The following MYOM1 variants were observed in gnomAD, a reference collection of about 807,000 sequenced individuals.
MYOM1 encodes the protein myomesin 1.
MYOM1 carries 164 observed loss-of-function variants against 205.3 expected under a neutral mutation model. That is an observed-to-expected ratio of 0.80 (90% confidence interval 0.70 to 0.91). The LOEUF (loss-of-function observed/expected upper bound fraction) is 0.91, where lower values mean the gene tolerates loss of function less well. MYOM1 is among the 40% of genes least tolerant of loss of function. The pLI is 0.00. For missense variants in MYOM1, 2,011 were observed against 2,127.3 expected (o/e 0.95, Z 1.08); for synonymous variants, 772 against 789.4 (o/e 0.98, Z 0.37).
At chr18:3,180,052 T>A (rs2080706410) in intron 5 of MYOM1, among the ~76,000 whole-genome samples, 2 of 152,142 alleles carry the variant, frequency 1.3e-5, no homozygotes, top group Admixed American at 1.3e-4. Context: ...ATCCCAGAAC[T>A]TTGGGAGGCT....
In MYOM1 at chr18:3,188,751, T is replaced by A; in HGVS notation, c.768A>T (p.Lys256Asn). The A allele has an allele frequency of 6.4e-7, 1 of 1,571,692 alleles. No individual in the cohort carries two copies. The highest frequency in any genetic ancestry group is 8.6e-7 in the Non-Finnish European group (1 of 1,158,180). ...REKAERLSLRKTLEETETYHA... is the reference protein window; with the variant it reads ...REKAERLSLRNTLEETETYHA... ...ACTTTAAACTGTCTTTTCTTACTGT[T>A]TTCCTCAGGGACAGGCGTTCTGCCT... The change falls in exon 4 of 38, where the codon AAA (lysine) becomes AAT (asparagine). Residue 256 changes from lysine (K) to asparagine (N), a missense_variant. Physicochemically the swap from Lys to Asn is moderately conservative, Grantham distance 94. Coordinates refer to ENST00000356443, the MANE Select transcript of MYOM1 (RefSeq NM_003803.4).
Position 3,071,884 on chromosome 18 carries a change from C to A in MYOM1, c.4714G>T (p.Ala1572Ser), listed in dbSNP as rs748689826. The A allele has an allele frequency of 6.2e-7, 1 of 1,604,326 alleles. No individual in the cohort carries two copies. The highest frequency in any genetic ancestry group is 8.5e-7 in the Non-Finnish European group (1 of 1,175,380). Residue 1572 changes from alanine (A) to serine (S), a missense_variant, in exon 37 of 38, where the codon GCC becomes TCC. By Grantham distance (99) the Ala-to-Ser change is moderately conservative. Transcript: ENST00000356443. ...KQAAIAEKNR[A>S]RVLGGLPDVV... is the part of the protein sequence containing the mutation. ...TCTGGGAGACCTCCCAACACCCGGG[C>A]ACGATCTGCAAGCATAGGCATTTTG...
chr18:3,214,879 C>A, intron 2 of MYOM1, 55 bp downstream of exon 2: 1 of 1,509,836 alleles, frequency 6.6e-7, no homozygotes, highest in South Asian at 1.3e-5. Flanking sequence ...GAGGGTTACT[C>A]AGAGCACACG....
intron 4 of MYOM1, among the ~76,000 whole-genome samples, chr18:3,188,188 T>C (rs1450378320): frequency 6.6e-6 from 1 of 152,206 alleles, no homozygotes; most frequent in Non-Finnish European, 1.5e-5. Context: ...CTAAAATCTT[T>C]AATTTTCTTA....
At chr18:3,215,795 C>T (rs1162069128) in intron 1 of MYOM1, among the ~76,000 whole-genome samples, 3 of 151,746 alleles carry the variant, frequency 2.0e-5, no homozygotes, top group Admixed American at 6.6e-5. Flanking sequence ...GTTTTTCTAC[C>T]CTGGCTATTG....
intron 9 of MYOM1, among the ~76,000 whole-genome samples, chr18:3,164,756 ATTAC>A (rs1418013827): frequency 6.6e-6 from 1 of 152,230 alleles, no homozygotes; most frequent in Non-Finnish European, 1.5e-5. Flanking sequence ...AAAATATTTT[ATTAC>A]TTATAGTAAT....
At chr18:3,075,680 G>A (rs968282857) in intron 35 of MYOM1, 45 bp downstream of exon 35, 37 of 1,587,696 alleles carry the variant, frequency 2.3e-5, no homozygotes, top group Non-Finnish European at 3.2e-5. Context: ...AGCTTCCCGG[G>A]AAATTAGTGC....
chr18:3,084,131 A>G, intron 31 of MYOM1, 104 bp from the exon 32 acceptor site: 5 of 1,213,486 alleles, frequency 4.1e-6, no homozygotes, highest in Non-Finnish European at 4.7e-6. Flanking sequence ...GGTTGAAAGG[A>G]AATGGAAACA....
chr18:3,164,248 T>C (rs1170969788), intron 10 of MYOM1, 30 bp downstream of exon 10: 1 of 1,603,234 alleles, frequency 6.2e-7, no homozygotes, highest in Non-Finnish European at 8.5e-7. Flanking sequence ...CTAAATATTG[T>C]TAGGTGTTTT....
At chr18:3,164,038 G>A (rs1598736127) in intron 10 of MYOM1, among the ~76,000 whole-genome samples, 1 of 142,578 alleles carries the variant, frequency 7.0e-6, no homozygotes, top group East Asian at 2.1e-4. Flanking sequence ...ATTTTTTTTT[G>A]TAGAAATGGG....
chr18:3,231,103 G>T, the MYOM1 span, among the ~76,000 whole-genome samples: 1 of 152,204 alleles, frequency 6.6e-6, no homozygotes, highest in African/African-American at 2.4e-5. Context: ...TTTAGAACTA[G>T]GTGACCTTGC....
the MYOM1 span, among the ~76,000 whole-genome samples, chr18:3,229,753 T>C: frequency 6.6e-6 from 1 of 152,112 alleles, no homozygotes; most frequent in Admixed American, 6.5e-5. Context: ...GCGGATCACC[T>C]GAGGTCGAGA....
At chr18:3,132,317 AT>A (rs2079890394) in intron 16 of MYOM1, among the ~76,000 whole-genome samples, 1 of 151,376 alleles carries the variant, frequency 6.6e-6, no homozygotes, top group African/African-American at 2.4e-5. Flanking sequence ...CGCCTGGCTA[AT>A]TTTTTTGTAT....
At chr18:3,162,449 C>T (rs2080405179) in intron 10 of MYOM1, among the ~76,000 whole-genome samples, 1 of 152,166 alleles carries the variant, frequency 6.6e-6, no homozygotes, top group Non-Finnish European at 1.5e-5. Flanking sequence ...CAATAAAGGG[C>T]TTGGTCTAGG....
chr18:3,130,915 C>T (rs2079865952), intron 17 of MYOM1, among the ~76,000 whole-genome samples: 1 of 152,208 alleles, frequency 6.6e-6, no homozygotes. Flanking sequence ...TAAGCAATTA[C>T]ATGTGCCTTG....
rs562700633 is a variant in MYOM1, at chr18:3,176,080, A to G, written c.984T>C (p.Ile328=). 4.4e-6 allele frequency: 7 copies of G among 1,607,194 alleles called. No homozygotes were observed. In the South Asian group the frequency reaches 6.6e-5, roughly 15 times the overall value. ...NVHANPGKYI[I]ESRYGMHTLE... is the part of the protein sequence containing the mutation. ...GAGTGTGCATCCCATATCGACTCTC[A>G]ATAATATACTTTCCAGGGTTTGCAT... The change falls in exon 6 of 38, where the codon ATT becomes ATC. Residue 328 remains isoleucine, a synonymous_variant. Transcript: ENST00000356443.
chr18:3,195,118 A>G (rs2080976577), intron 2 of MYOM1, among the ~76,000 whole-genome samples: 1 of 152,196 alleles, frequency 6.6e-6, no homozygotes, highest in African/African-American at 2.4e-5. Context: ...AGCAGAAGAG[A>G]GGCCAAGCAC....
intron 22 of MYOM1, among the ~76,000 whole-genome samples, chr18:3,104,745 CTTTTTTTTTT>C (rs745369627): frequency 2.4e-4 from 19 of 80,598 alleles, no homozygotes; most frequent in Admixed American, 8.0e-4. Flanking sequence ...GAATTGGAAT[CTTTTTTTTTT>C]TTTTTTTTTT....
At chr18:3,072,893 G>A (rs1035313517) in intron 36 of MYOM1, among the ~76,000 whole-genome samples, 1 of 151,794 alleles carries the variant, frequency 6.6e-6, no homozygotes, top group Non-Finnish European at 1.5e-5. Context: ...CCTCTTTTAT[G>A]GGTTTCCATA....
Sources: allele counts gnomAD v4.1 joint callset (sites outside exome capture counted in the v4.1 genomes callset), GRCh38; gene constraint gnomAD v4.1.1; transcripts MANE v1.5; gene names NCBI Gene and HGNC (gene_info 2026-07-23, HGNC 2026-07-21).